Variants in RMI2 observed in about 807,000 individuals in gnomAD.
The protein encoded by RMI2 is RecQ mediated genome instability 2, also known as recQ-mediated genome instability protein 2.
RMI2 carries 11 observed loss-of-function variants against 8.4 expected under a neutral mutation model. The observed-to-expected ratio is 1.32, with a 90% confidence interval of 0.83 to 2.18. RMI2 has a LOEUF of 2.18. RMI2 is among the 30% of genes most tolerant of loss of function. The pLI, the probability that RMI2 is intolerant of heterozygous loss-of-function variation, is 0.00. For missense variants in RMI2, 253 were observed against 207.5 expected, an observed-to-expected ratio of 1.22 and a Z score of -1.35; for synonymous variants, 105 against 93.8, an observed-to-expected ratio of 1.12 and a Z score of -0.69.
At chr16:11,350,546 T>A (rs2032929) in intron 1 of RMI2, 96 bp from the exon 2 acceptor site, 1 of 1,018,094 alleles carries the variant, frequency 9.8e-7, no homozygotes, top group Non-Finnish European at 1.4e-6. Flanking sequence ...GCCGAGATTG[T>A]GCCACTGCAC....
chr16:11,350,727 T>C lies in RMI2; in HGVS notation c.381T>C (p.Asp127=), dbSNP rs942655994. The C allele has an allele frequency of 4.3e-5, 70 of 1,613,398 alleles. No homozygotes were observed. The highest frequency in any genetic ancestry group is 5.4e-5 in the Non-Finnish European group (64 of 1,179,506). Residue 127 remains aspartate (D), a synonymous_variant, in exon 2 of 2, where the codon GAT becomes GAC. Transcript: ENST00000312499. ...CTGTGAAGATGACAGACCTTTCTGA[T>C]AATCCCATCCATGAAAGTATGTGGG... ...LQAVKMTDLS[D]NPIHESMWEL...
rs758047773 is a variant in RMI2, at chr16:11,345,483, T to C, written c.12T>C (p.Ala4=). The C allele has an allele frequency of 1.5e-6, 2 of 1,314,246 alleles. No homozygotes were observed. Among genetic ancestry groups the C allele is most frequent in the Non-Finnish European group, 1.9e-6 (2 of 1,027,084 alleles). The allele number at this position is 1,314,246 out of a possible 1,614,324, so 81.4% of individuals were successfully genotyped here. The change falls in exon 1 of 2, where the codon GCT becomes GCC. Residue 4 remains alanine, a synonymous_variant. Coordinates refer to ENST00000312499, the MANE Select transcript of RMI2 (RefSeq NM_152308.3). The part of the protein sequence containing the change: MAA[A]ADSFSGGPAG... ...TGCGGCGAGGCGGAATGGCGGCGGC[T>C]GCGGACTCGTTCTCAGGCGGCCCCG...
intron 1 of RMI2, chr16:11,348,659 G>C (rs1338823793): frequency 1.3e-5 from 2 of 152,256 alleles, no homozygotes; most frequent in Non-Finnish European, 2.9e-5. Flanking sequence ...GCTGATCTAG[G>C]TTTGAGGGCT....
intron 1 of RMI2, chr16:11,348,474 A>G (rs977059773): frequency 6.6e-6 from 1 of 152,168 alleles, no homozygotes; most frequent in Non-Finnish European, 1.5e-5. Context: ...TGTCTGACAT[A>G]CCCACTGGCC....
chr16:11,349,847 C>G lies in RMI2; in HGVS notation c.296-795C>G, dbSNP rs1222167537. Among the ~76,000 whole-genome samples, 12 of 152,350 alleles carry G rather than the reference C, an allele frequency of 7.9e-5. No homozygotes were observed. Among genetic ancestry groups the G allele is most frequent in the Non-Finnish European group, 1.3e-4 (9 of 68,038 alleles). On this transcript the variant is annotated intron_variant, in intron 1 of 1. Coordinates refer to ENST00000312499, the MANE Select transcript of RMI2 (RefSeq NM_152308.3). The surrounding 1 kb of genome is among the most constrained non-coding windows in gnomAD (Gnocchi z 4.2). ...ACAATCGGGTTTTATGTGGTTGAGA[C>G]TGGCCAAGTTTTGCTTTCAAGGAGA... is the stretch of plus-strand genomic sequence containing the variant.
chr16:11,346,496 A>C (rs1378296933), intron 1 of RMI2, among the ~76,000 whole-genome samples: 1 of 152,040 alleles, frequency 6.6e-6, no homozygotes, highest in East Asian at 1.9e-4. Context: ...CCTGGCCTCA[A>C]GTGATCTGCT....
At position 11,345,638 on chromosome 16, in the gene RMI2, C is replaced by G. The variant is rs759325640; in HGVS notation, c.167C>G (p.Ala56Gly). 7.9e-7 allele frequency: 1 copy of G among 1,258,090 alleles called. No homozygotes were observed. Among genetic ancestry groups the G allele is most frequent in the Non-Finnish European group, 1.0e-6 (1 of 1,003,104 alleles). 77.9% of individuals were successfully genotyped at this position (1,258,090 alleles called of 1,614,324 possible). A position where few individuals can be genotyped will look rare whatever the true frequency, so the allele number is the denominator to read the frequency against. Residue 56 changes from alanine to glycine, a missense_variant, in exon 1 of 2, where the codon GCG (alanine) becomes GGG (glycine). Coordinates refer to ENST00000312499, the MANE Select transcript of RMI2 (RefSeq NM_152308.3). ...GCGGGCCGCGGGCCGCTGGACCTGGCGGCCGTGTGGATGCAGGGCAGGGTA... is the reference window on the plus strand; with the variant it reads ...GCGGGCCGCGGGCCGCTGGACCTGGGGGCCGTGTGGATGCAGGGCAGGGTA... ...AAAGRGPLDL[A>G]AVWMQGRVVM... is the part of the protein sequence containing the mutation.
In RMI2 at chr16:11,349,736, G is replaced by T. The variant is rs1228956788; in HGVS notation, c.296-906G>T. Among the ~76,000 whole-genome samples the T allele has an allele frequency of 1.3e-5, 2 of 152,186 alleles. No individual in the cohort carries two copies. Among genetic ancestry groups the T allele is most frequent in the Admixed American group, 1.3e-4 (2 of 15,282 alleles). The stretch of plus-strand genomic sequence containing the variant: ...CTTCAGTCAAAGCCCCAGGCCCCAC[G>T]TGCAGTGCAATGAAAGCCTCACGGG... On this transcript the variant is annotated intron_variant, in intron 1 of 1. Coordinates refer to ENST00000312499, the MANE Select transcript of RMI2 (RefSeq NM_152308.3). The surrounding 1 kb of genome is among the most constrained non-coding windows in gnomAD (Gnocchi z 4.2).
At position 11,350,551 on chromosome 16, in the gene RMI2, C is replaced by G. The variant is rs1013369859; in HGVS notation, c.296-91C>G. The G allele has an allele frequency of 3.2e-5, 36 of 1,122,274 alleles. No homozygotes were observed. In the East Asian group the frequency reaches 9.1e-4, roughly 28 times the overall value. The allele number at this position is 1,122,274 out of a possible 1,614,324, so 69.5% of individuals were successfully genotyped here. On this transcript the variant is annotated intron_variant, in intron 1 of 1. Transcript: ENST00000312499. ...GCTGCAATGAGCCGAGATTGTGCCACTGCACTCCAGCCTGGGCGACATAGC... is the reference window on the plus strand; with the variant it reads ...GCTGCAATGAGCCGAGATTGTGCCAGTGCACTCCAGCCTGGGCGACATAGC...
intron 1 of RMI2, among the ~76,000 whole-genome samples, chr16:11,346,049 T>G (rs910379491): frequency 6.6e-6 from 1 of 152,210 alleles, no homozygotes; most frequent in African/African-American, 2.4e-5. Flanking sequence ...CTCCGGCACC[T>G]TCGTTTGTCA....
rs1541702 is a variant in RMI2 at position 11,351,695 on chromosome 16, T to C, written c.*905T>C. On this transcript the variant is annotated 3_prime_UTR_variant, in exon 2 of 2. Transcript: ENST00000312499. Reference sequence around the variant, plus strand: ...AAATATCAAAGGAGTTAGATTGTGTTCTGACATGGTTGTAGACTTTCACCT... The same window carrying C: ...AAATATCAAAGGAGTTAGATTGTGTCCTGACATGGTTGTAGACTTTCACCT... 0.21 allele frequency: 47,256 copies of C among 224,954 alleles called. 7,797 individuals carry two copies. The highest frequency in any genetic ancestry group is 0.68 in the East Asian group (10,469 of 15,464). 13.9% of individuals were successfully genotyped at this position (224,954 alleles called of 1,614,324 possible).
chr16:11,347,842 G>A (rs757868711), intron 1 of RMI2, among the ~76,000 whole-genome samples: 15 of 152,182 alleles, frequency 9.9e-5, no homozygotes, highest in Non-Finnish European at 1.6e-4. Flanking sequence ...GTACAGTGAC[G>A]CAGTCATGGC....
Position 11,345,503 on chromosome 16 carries a change from G to C in RMI2, c.32G>C (p.Gly11Ala), listed in dbSNP as rs1009271956. The C allele has an allele frequency of 1.5e-6, 2 of 1,310,736 alleles. No homozygotes were observed. Among genetic ancestry groups the C allele is most frequent in the African/African-American group, 3.0e-5 (2 of 65,890 alleles). 81.2% of individuals were successfully genotyped at this position (1,310,736 alleles called of 1,614,324 possible). Residue 11 changes from glycine to alanine, a missense_variant, in exon 1 of 2, where the codon GGC becomes GCC. By Grantham distance (60) the Gly-to-Ala change is moderately conservative. Transcript: ENST00000312499. MAAAADSFSG[G>A]PAGVRLPRSP... is the part of the protein sequence containing the mutation. Reference sequence around the variant, plus strand: ...GCGGCTGCGGACTCGTTCTCAGGCGGCCCCGCGGGGGTGCGGCTTCCGAGG... The same window carrying C: ...GCGGCTGCGGACTCGTTCTCAGGCGCCCCCGCGGGGGTGCGGCTTCCGAGG...
chr16:11,346,656 CAG>C (rs2070876440), intron 1 of RMI2, among the ~76,000 whole-genome samples: 1 of 152,202 alleles, frequency 6.6e-6, no homozygotes, highest in African/African-American at 2.4e-5. Context: ...GCTCCACCCT[CAG>C]GGTTTGTGAG....
chr16:11,347,777 A>G (rs1202947927), intron 1 of RMI2, among the ~76,000 whole-genome samples: 1 of 152,142 alleles, frequency 6.6e-6, no homozygotes, highest in Non-Finnish European at 1.5e-5. Flanking sequence ...TAAAATTTTT[A>G]TGTATTACTA....
Position 11,349,370 on chromosome 16 carries a change from G to C in RMI2, c.296-1272G>C, listed in dbSNP as rs1293177104. 1 of 152,494 alleles carries C rather than the reference G, an allele frequency of 6.6e-6. No homozygotes were observed. The highest frequency in any genetic ancestry group is 6.5e-5 in the Admixed American group (1 of 15,288). The allele number at this position is 152,494 out of a possible 1,614,324, so 9.4% of individuals were successfully genotyped here. ...AGCGGAGAGCTGCTTTGGAGTGGGA[G>C]AGGGTGTGGGTAGAACCTACAAGGT... On this transcript the variant is annotated intron_variant, in intron 1 of 1. Transcript: ENST00000312499. This position sits in a 1 kb window ranked among gnomAD's most constrained non-coding sequence, Gnocchi z 4.2.
At position 11,349,550 on chromosome 16, in the gene RMI2, A is replaced by G. The variant is rs1171851804; in HGVS notation, c.296-1092A>G. ...TTCTACTTCTGTGTGTTCCAACCCT[A>G]CCAGCACTTTAGGCCCCTTCAGAGG... is the stretch of plus-strand genomic sequence containing the variant. On this transcript the variant is annotated intron_variant, in intron 1 of 1. Coordinates refer to ENST00000312499, the MANE Select transcript of RMI2 (RefSeq NM_152308.3). This position sits in a 1 kb window ranked among gnomAD's most constrained non-coding sequence, Gnocchi z 4.2. Among the ~76,000 whole-genome samples the G allele has an allele frequency of 6.6e-6, 1 of 152,144 alleles. No homozygotes were observed. The highest frequency in any genetic ancestry group is 2.4e-5 in the African/African-American group (1 of 41,446).
At chr16:11,346,824 A>G (rs1310278364) in intron 1 of RMI2, among the ~76,000 whole-genome samples, 1 of 152,190 alleles carries the variant, frequency 6.6e-6, no homozygotes, top group Non-Finnish European at 1.5e-5. Context: ...CCCTGAGCTC[A>G]AGCAATCCTC....
rs1435127380 is a variant in RMI2 at position 11,349,243 on chromosome 16, G to C, written c.296-1399G>C. On this transcript the variant is annotated intron_variant, in intron 1 of 1. Transcript: ENST00000312499. The surrounding 1 kb of genome is among the most constrained non-coding windows in gnomAD (Gnocchi z 4.2). ...CAATGTTGACTGCAGCAGTGGGGTG[G>C]GGATGGTTTCGAAGAGGAGGAAGCT... 1 of 152,654 alleles carries C rather than the reference G, an allele frequency of 6.6e-6. No individual in the cohort carries two copies. The highest frequency in any genetic ancestry group is 1.5e-5 in the Non-Finnish European group (1 of 68,242). 9.5% of individuals were successfully genotyped at this position (152,654 alleles called of 1,614,324 possible).
Sources: allele counts gnomAD v4.1 joint callset (sites outside exome capture counted in the v4.1 genomes callset), GRCh38; gene constraint gnomAD v4.1.1; non-coding constraint Gnocchi (gnomAD v3.1); transcripts MANE v1.5; gene names NCBI Gene and HGNC (gene_info 2026-07-23, HGNC 2026-07-21).